Variants in IL4R observed in about 807,000 individuals in gnomAD.
IL4R encodes the protein interleukin 4 receptor.
In IL4R, 17 loss-of-function variants were observed where a neutral mutation model predicts 41.5. That is an observed-to-expected ratio of 0.41 (90% CI 0.28 to 0.61). IL4R has a LOEUF of 0.61. Among genes scored for constraint, IL4R ranks in the 20% least tolerant of loss-of-function variants. The pLI is 0.31. For synonymous variants in IL4R, 402 were observed against 422.9 expected (o/e 0.95, Z 0.61); for missense variants, 974 against 1,043.1 (o/e 0.93, Z 0.91).
At chr16:27,358,199 T>C (rs1432154951) in intron 8 of IL4R, among the ~76,000 whole-genome samples, 1 of 152,226 alleles carries the variant, frequency 6.6e-6, no homozygotes, top group Non-Finnish European at 1.5e-5. Context: ...TGGCCTCATA[T>C]AAGCATTTCT....
In IL4R at chr16:27,355,877, T is replaced by G. The variant is rs752744351; in HGVS notation, c.740T>G (p.Val247Gly). 5.0e-6 allele frequency: 8 copies of G among 1,613,518 alleles called. No individual in the cohort carries two copies. The Admixed American group carries it at 1.3e-4, about 27-fold the overall frequency. Reference protein sequence around the residue: ...VSVSCIVILAVCLLCYVSITK... With the variant: ...VSVSCIVILAGCLLCYVSITK... ...GTTTCCTGCATTGTCATCCTGGCCG[T>G]CTGCCTGTTGTGCTATGTCAGCATC... The change falls in exon 8 of 11, where the codon GTC becomes GGC. Residue 247 changes from valine to glycine, a missense_variant. This residue lies in a region of IL4R where 284 missense variants were observed against 313.4 expected (regional missense o/e 0.91). Transcript: ENST00000395762.
At chr16:27,331,532 G>A (rs1452940059) in intron 2 of IL4R, among the ~76,000 whole-genome samples, 2 of 152,182 alleles carry the variant, frequency 1.3e-5, no homozygotes, top group African/African-American at 4.8e-5. Context: ...TGGTGAGGCT[G>A]CCCAGTATAG....
chr16:27,361,032 T>C, intron 10 of IL4R: 3 of 1,437,328 alleles, frequency 2.1e-6, no homozygotes, highest in Non-Finnish European at 2.7e-6. Flanking sequence ...TACATGGTGA[T>C]ACCCCTTGGG....
At chr16:27,339,876 G>A (rs530334808) in intron 2 of IL4R, among the ~76,000 whole-genome samples, 1 of 150,988 alleles carries the variant, frequency 6.6e-6, no homozygotes, top group African/African-American at 2.4e-5. Context: ...GGCCAACATG[G>A]TGAAACCCCG....
At chr16:27,314,212 G>A in intron 1 of IL4R, 192 bp downstream of exon 1, 1 of 721,418 alleles carries the variant, frequency 1.4e-6, no homozygotes, top group Non-Finnish European at 1.7e-6. Context: ...CCGAACGGCA[G>A]CGGAGGCGCG....
intron 4 of IL4R, among the ~76,000 whole-genome samples, chr16:27,344,240 G>A (rs976507560): frequency 1.4e-4 from 21 of 151,842 alleles, no homozygotes; most frequent in African/African-American, 4.1e-4. Flanking sequence ...AGGAGGTGGA[G>A]GTTGCAGTGA....
rs1382794324 is a variant in IL4R at position 27,364,720 on chromosome 16, G to C, written c.*890G>C. 1 of 152,216 alleles carries C rather than the reference G, an allele frequency of 6.6e-6. No individual in the cohort carries two copies. The allele number at this position is 152,216 out of a possible 1,614,324, so 9.4% of individuals were successfully genotyped here. On this transcript the variant is annotated 3_prime_UTR_variant, in exon 11 of 11. Transcript: ENST00000395762. Reference sequence around the variant, plus strand: ...TCATCACCTGTTATCTGTGTTTGCTGAGGAGAGTGGAACAGAAGGGGTGGA... The same window carrying C: ...TCATCACCTGTTATCTGTGTTTGCTCAGGAGAGTGGAACAGAAGGGGTGGA...
intron 5 of IL4R, 82 bp from the exon 6 acceptor site, chr16:27,346,385 C>G: frequency 6.9e-7 from 1 of 1,454,020 alleles, no homozygotes. Flanking sequence ...TGGGTGGTGG[C>G]TGTGGTTTGT....
chr16:27,344,973 C>T lies in IL4R; in HGVS notation c.314C>T (p.Ala105Val). 11 of 1,613,678 alleles carry T rather than the reference C, an allele frequency of 6.8e-6. No individual in the cohort carries two copies. The highest frequency in any genetic ancestry group is 9.3e-6 in the Non-Finnish European group (11 of 1,179,870). The change falls in exon 5 of 11, where the codon GCT becomes GTT. Residue 105 changes from alanine (A) to valine (V), a missense_variant. This residue lies in a region of IL4R where 284 missense variants were observed against 313.4 expected (regional missense o/e 0.91). Coordinates refer to ENST00000395762, the MANE Select transcript of IL4R (RefSeq NM_000418.4). ...SADNYTLDLW[A>V]GQQLLWKGSF... ...GATAACTATACACTGGACCTGTGGG[C>T]TGGGCAGCAGCTGCTGTGGAAGGGC...
At chr16:27,316,420 C>A (rs1207689902) in intron 1 of IL4R, among the ~76,000 whole-genome samples, 2 of 152,140 alleles carry the variant, frequency 1.3e-5, no homozygotes, top group Non-Finnish European at 2.9e-5. Flanking sequence ...TTTCTACCTC[C>A]CCCATCTCCC....
intron 10 of IL4R, 35 bp from the exon 11 acceptor site, chr16:27,362,217 C>T (rs373833134): frequency 8.8e-6 from 14 of 1,597,598 alleles, no homozygotes; most frequent in Admixed American, 1.7e-5. Flanking sequence ...TTTCAAGTGT[C>T]GAAACTGAAC....
chr16:27,347,554 A>T (rs1002843845), intron 6 of IL4R, among the ~76,000 whole-genome samples: 48 of 152,222 alleles, frequency 3.2e-4, no homozygotes, highest in African/African-American at 1.1e-3. Context: ...ATTTACAGGA[A>T]ACTATCAGGT....
chr16:27,346,350 A>C, intron 5 of IL4R, 117 bp from the exon 6 acceptor site: 1 of 814,898 alleles, frequency 1.2e-6, no homozygotes, highest in South Asian at 1.6e-5. Context: ...GAAGTATGCT[A>C]TGGAGGTTTT....
intron 8 of IL4R, among the ~76,000 whole-genome samples, chr16:27,357,341 G>A (rs1012310682): frequency 3.3e-5 from 5 of 152,254 alleles, no homozygotes; most frequent in South Asian, 2.1e-4. Context: ...GTGCAGTGGC[G>A]CGGTTACGGC....
At chr16:27,325,588 A>T (rs1251207234) in intron 1 of IL4R, among the ~76,000 whole-genome samples, 3 of 151,888 alleles carry the variant, frequency 2.0e-5, no homozygotes, top group Non-Finnish European at 4.4e-5. Flanking sequence ...AAAAAAAAAG[A>T]ACCTTCAGAA....
rs146682837 is a variant in IL4R, at chr16:27,362,903, A to G, written c.1551A>G (p.Pro517=). 390 of 1,613,956 alleles carry G rather than the reference A, an allele frequency of 2.4e-4. No homozygotes were observed. Among genetic ancestry groups the G allele is most frequent in the Non-Finnish European group, 3.0e-4 (359 of 1,180,010 alleles). The change falls in exon 11 of 11, where the codon CCA becomes CCG. Residue 517 remains proline (P), a synonymous_variant. Coordinates refer to ENST00000395762, the MANE Select transcript of IL4R (RefSeq NM_000418.4). The part of the protein sequence containing the change: ...SPCPRELGPD[P]LLARHLEEVE... ...GTCCCAGAGAGCTGGGTCCAGACCCACTGCTGGCCAGACACCTGGAGGAAG... is the reference window on the plus strand; with the variant it reads ...GTCCCAGAGAGCTGGGTCCAGACCCGCTGCTGGCCAGACACCTGGAGGAAG...
rs75140046 is a variant in IL4R at position 27,332,393 on chromosome 16, A to G, written c.-19+2195A>G. 4.7e-3 allele frequency among the ~76,000 whole-genome samples: 714 copies of G among 152,190 alleles called. 21 individuals are homozygous for G. The East Asian group carries it at 0.076, about 16-fold the overall frequency. On this transcript the variant is annotated intron_variant, in intron 2 of 10. Transcript: ENST00000395762. ...CATCAGATCTCAGGAGAACTCACTCACTGTCACGAAAACAGCATGGGGGAA... is the reference window on the plus strand; with the variant it reads ...CATCAGATCTCAGGAGAACTCACTCGCTGTCACGAAAACAGCATGGGGGAA...
At chr16:27,332,348 G>A (rs2085134467) in intron 2 of IL4R, among the ~76,000 whole-genome samples, 2 of 152,018 alleles carry the variant, frequency 1.3e-5, no homozygotes, top group Admixed American at 1.3e-4. Context: ...AGGAAAGGGG[G>A]GGAAAGCCCT....
At chr16:27,338,073 C>G (rs558468107) in intron 2 of IL4R, among the ~76,000 whole-genome samples, 1 of 151,134 alleles carries the variant, frequency 6.6e-6, no homozygotes. Flanking sequence ...TCTCCCACCT[C>G]GGCCTCCCGT....
Sources: gnomAD v4.1 joint callset for allele counts (sites outside exome capture counted in the v4.1 genomes callset) on GRCh38, gnomAD v4.1.1 for gene constraint, gnomAD v4.1.1 regional missense constraint, MANE v1.5 for transcripts, NCBI Gene and HGNC (gene_info 2026-07-23, HGNC 2026-07-21) for gene names.